The following FBXL17 variants were observed in gnomAD, a reference collection of about 807,000 sequenced individuals.
FBXL17 encodes F-box/LRR-repeat protein 17.
A neutral mutation model predicts 66.2 loss-of-function variants in FBXL17; 22 were observed. The observed-to-expected ratio is 0.33, with a 90% CI of 0.24 to 0.47. FBXL17 has a LOEUF of 0.47. FBXL17 is among the 20% of genes least tolerant of loss of function. FBXL17 has a pLI of 1.00. For synonymous variants in FBXL17, 474 were observed against 400.5 expected (o/e 1.18, Z -2.19); for missense variants, 878 against 948.2 (o/e 0.93, Z 0.97).
At position 108,284,419 on chromosome 5, in the gene FBXL17, G is replaced by A. The variant is rs79019304; in HGVS notation, c.1507-60191C>T. 4.3e-3 allele frequency among the ~76,000 whole-genome samples: 653 copies of A among 151,980 alleles called. 4 individuals are homozygous for A. Among genetic ancestry groups the A allele is most frequent in the African/African-American group, 0.015 (622 of 41,526 alleles). On this transcript the variant is annotated intron_variant, in intron 4 of 8. Transcript: ENST00000542267. The stretch of plus-strand genomic sequence containing the variant: ...TGCAGCAACATGGATGGAACTGGAC[G>A]TCATTATCCTAAGTAAAACAAGCCA...
chr5:108,364,999 T>C lies in FBXL17; in HGVS notation c.1117-4A>G. The C allele has an allele frequency of 6.3e-7, 1 of 1,588,794 alleles. No homozygotes were observed. The highest frequency in any genetic ancestry group is 8.6e-7 in the Non-Finnish European group (1 of 1,167,440). ...TTTCCAACAATTCATCAGTGACCTG[T>C]AAGAGAAAAAGCAATAAATTTAAAC... On this transcript the variant is annotated splice_polypyrimidine_tract_variant and splice_region_variant and intron_variant, in intron 2 of 8. Transcript: ENST00000542267.
At chr5:108,015,482 G>C (rs1403380971) in intron 7 of FBXL17, among the ~76,000 whole-genome samples, 6 of 151,908 alleles carry the variant, frequency 3.9e-5, no homozygotes, top group African/African-American at 1.2e-4. Context: ...ATTTAAAAAT[G>C]AAACAAAATA....
chr5:108,218,870 C>T (rs1440834539), intron 5 of FBXL17, among the ~76,000 whole-genome samples: 1 of 152,108 alleles, frequency 6.6e-6, no homozygotes, highest in African/African-American at 2.4e-5. Context: ...TCTTCCATTC[C>T]ATAGGTTGTC....
At chr5:108,033,835 T>A (rs1746735291) in intron 6 of FBXL17, among the ~76,000 whole-genome samples, 1 of 152,184 alleles carries the variant, frequency 6.6e-6, no homozygotes, top group Non-Finnish European at 1.5e-5. Context: ...TTAAAAAATT[T>A]AAAGATTCCA....
At chr5:107,911,901 C>G (rs190253185) in intron 7 of FBXL17, among the ~76,000 whole-genome samples, 9 of 151,906 alleles carry the variant, frequency 5.9e-5, no homozygotes, top group African/African-American at 2.2e-4. Flanking sequence ...TAAAACCGGC[C>G]AATAAATATA....
intron 5 of FBXL17, among the ~76,000 whole-genome samples, chr5:108,203,761 T>G (rs886686403): frequency 6.6e-6 from 1 of 152,178 alleles, no homozygotes; most frequent in Non-Finnish European, 1.5e-5. Flanking sequence ...AATCGATTGT[T>G]TGAAAATTTA....
intron 7 of FBXL17, among the ~76,000 whole-genome samples, chr5:107,956,099 T>A (rs753533950): frequency 2.0e-5 from 3 of 152,190 alleles, no homozygotes; most frequent in Non-Finnish European, 4.4e-5. Context: ...ATAATCATTG[T>A]GTAGTAAAAG....
chr5:107,902,103 C>G (rs940645239), intron 7 of FBXL17, among the ~76,000 whole-genome samples: 1 of 152,178 alleles, frequency 6.6e-6, no homozygotes, highest in Admixed American at 6.5e-5. Flanking sequence ...AGTTTGTGAG[C>G]TGAATATGGC....
intron 4 of FBXL17, among the ~76,000 whole-genome samples, chr5:108,264,062 A>G (rs2150129273): frequency 6.6e-6 from 1 of 152,058 alleles, no homozygotes; most frequent in Admixed American, 6.5e-5. Flanking sequence ...TAAAAATACA[A>G]AAATTATCTG....
rs1445867460 is a variant in FBXL17 at position 107,860,584 on chromosome 5, T to C, written c.*1136A>G. The C allele has an allele frequency of 6.6e-6, 1 of 152,664 alleles. No individual in the cohort carries two copies. The highest frequency in any genetic ancestry group is 6.5e-5 in the Admixed American group (1 of 15,286). 9.5% of individuals were successfully genotyped at this position (152,664 alleles called of 1,614,324 possible). On this transcript the variant is annotated 3_prime_UTR_variant, in exon 9 of 9. Transcript: ENST00000542267. ...GAATTTCAATGAACAGATTTTCTAATTTTCTTTCTTAACTCATATATTAGC... is the reference window on the plus strand; with the variant it reads ...GAATTTCAATGAACAGATTTTCTAACTTTCTTTCTTAACTCATATATTAGC...
At chr5:108,174,189 C>A (rs1475588301) in intron 6 of FBXL17, among the ~76,000 whole-genome samples, 1 of 152,094 alleles carries the variant, frequency 6.6e-6, no homozygotes, top group Non-Finnish European at 1.5e-5. Flanking sequence ...ATAGTTCAGG[C>A]ATAGGTAATC....
At chr5:108,297,443 CT>C (rs2150172035) in intron 4 of FBXL17, among the ~76,000 whole-genome samples, 1 of 151,714 alleles carries the variant, frequency 6.6e-6, no homozygotes, top group African/African-American at 2.4e-5. Context: ...GGTGCTCAAT[CT>C]CCATATATAT....
chr5:107,987,937 T>A (rs1003728979), intron 7 of FBXL17, among the ~76,000 whole-genome samples: 3 of 152,038 alleles, frequency 2.0e-5, no homozygotes, highest in South Asian at 2.1e-4. Flanking sequence ...GAGACGATTA[T>A]TTTGTAAATC....
At chr5:108,244,779 A>C (rs1025766556) in intron 4 of FBXL17, among the ~76,000 whole-genome samples, 6 of 152,186 alleles carry the variant, frequency 3.9e-5, no homozygotes, top group African/African-American at 1.4e-4. Context: ...TCAGGGGGAA[A>C]AAGTGCAAGT....
intron 6 of FBXL17, among the ~76,000 whole-genome samples, chr5:108,151,261 G>A (rs1751762351): frequency 6.6e-6 from 1 of 151,956 alleles, no homozygotes; most frequent in South Asian, 2.1e-4. Context: ...TAAAAAGAAA[G>A]AAAGAAAAAA....
intron 7 of FBXL17, among the ~76,000 whole-genome samples, chr5:108,007,062 T>G (rs912292324): frequency 3.9e-5 from 6 of 152,222 alleles, no homozygotes; most frequent in African/African-American, 1.4e-4. Flanking sequence ...TCTTTTTGCC[T>G]CAGTATGGTT....
intron 6 of FBXL17, among the ~76,000 whole-genome samples, chr5:108,033,522 C>A (rs1158138749): frequency 6.6e-6 from 1 of 152,104 alleles, no homozygotes; most frequent in African/African-American, 2.4e-5. Context: ...ACAAATGCAA[C>A]TACCGTTGTA....
chr5:108,116,387 C>G (rs1203477848), intron 6 of FBXL17, among the ~76,000 whole-genome samples: 2 of 151,872 alleles, frequency 1.3e-5, no homozygotes, highest in African/African-American at 4.8e-5. Context: ...CACCTGTAAT[C>G]CCAGCACTTT....
intron 8 of FBXL17, chr5:107,878,848 T>C (rs1362896816): frequency 8.1e-6 from 8 of 985,394 alleles, no homozygotes; most frequent in Non-Finnish European, 9.6e-6. Flanking sequence ...ACAGCAAGGC[T>C]GGGTCCAGCA....
Sources: gnomAD v4.1 joint callset for allele counts (sites outside exome capture counted in the v4.1 genomes callset) on GRCh38, gnomAD v4.1.1 for gene constraint, MANE v1.5 for transcripts, NCBI Gene and HGNC (gene_info 2026-07-23, HGNC 2026-07-21) for gene names.